The following CCDC7 variants were observed in gnomAD, a reference collection of about 807,000 sequenced individuals.
CCDC7 encodes the protein coiled-coil domain containing 7, also known as coiled-coil domain-containing protein 7.
A neutral mutation model predicts 196.9 loss-of-function variants in CCDC7; 183 were observed. The ratio of observed to expected loss-of-function variants is 0.93; its 90% CI spans 0.82 to 1.05. The LOEUF (loss-of-function observed/expected upper bound fraction) is 1.05, where lower values mean the gene tolerates loss of function less well. Among genes scored for constraint, CCDC7 ranks in the 50% least tolerant of loss-of-function variants. CCDC7 has a pLI of 0.00. For synonymous variants in CCDC7, 525 were observed against 484.6 expected, an observed-to-expected ratio of 1.08 and a Z score of -1.10; for missense variants, 1,540 against 1,482.2, an observed-to-expected ratio of 1.04 and a Z score of -0.64.
intron 29 of CCDC7, among the ~76,000 whole-genome samples, chr10:32,799,297 A>G (rs891861745): frequency 8.5e-5 from 13 of 152,120 alleles, no homozygotes; most frequent in African/African-American, 2.9e-4. Flanking sequence ...TGATTCACCT[A>G]TGGGGGCCTG....
At chr10:32,854,588 C>T (rs1210689301) in intron 41 of CCDC7, 99 bp downstream of exon 42, 14 of 735,080 alleles carry the variant, frequency 1.9e-5, no homozygotes, top group Non-Finnish European at 3.1e-5. Flanking sequence ...CTTCCTTCTT[C>T]AAACAACCAA....
chr10:32,593,706 A>G (rs895036228), intron 18 of CCDC7, among the ~76,000 whole-genome samples: 1 of 152,188 alleles, frequency 6.6e-6, no homozygotes, highest in African/African-American at 2.4e-5. Flanking sequence ...TCTTTAATCC[A>G]TCTTGAATTG....
At chr10:32,623,828 G>A (rs1457887817) in intron 18 of CCDC7, 1 of 468,560 alleles carries the variant, frequency 2.1e-6, no homozygotes, top group African/African-American at 2.0e-5. Flanking sequence ...GTGAGTGTGG[G>A]AATGAGAGAG....
At chr10:32,843,139 G>A (rs1014347083) in intron 33 of CCDC7, among the ~76,000 whole-genome samples, 17 of 150,816 alleles carry the variant, frequency 1.1e-4, no homozygotes, top group Admixed American at 2.6e-4. Flanking sequence ...AACACTGGAC[G>A]GTAACTCAAA....
At chr10:32,604,813 G>A (rs986097071) in intron 18 of CCDC7, among the ~76,000 whole-genome samples, 9 of 151,926 alleles carry the variant, frequency 5.9e-5, no homozygotes, top group East Asian at 1.9e-4. Context: ...GCAGTTTTAC[G>A]AGTTTTCTGG....
chr10:32,462,565 A>G lies in CCDC7; in HGVS notation c.457-118A>G, dbSNP rs2035960530. On this transcript the variant is annotated intron_variant, in intron 3 of 41. Transcript: ENST00000639629. ...TTCAACTACAGATTTATAAAGTTAT[A>G]TTTTAATACTTAGTACATTTTTGTG... The G allele has an allele frequency of 3.7e-6, 3 of 816,736 alleles. No individual in the cohort carries two copies. The Admixed American group carries it at 1.2e-4, about 32-fold the overall frequency. The allele number at this position is 816,736 out of a possible 1,614,324, so 50.6% of individuals were successfully genotyped here. A position where few individuals can be genotyped will look rare whatever the true frequency, so the allele number is the denominator to read the frequency against.
intron 11 of CCDC7, 52 bp downstream of exon 12, chr10:32,518,557 A>AGG: frequency 7.1e-7 from 1 of 1,407,718 alleles, no homozygotes; most frequent in Non-Finnish European, 9.6e-7. Context: ...AAGGCTTATT[A>AGG]TGTTAGGATA....
exon 17 of CCDC7, chr10:32,583,293 A>G: frequency 8.1e-7 from 1 of 1,231,000 alleles, no homozygotes; most frequent in Non-Finnish European, 1.0e-6. Context: ...TCCTGTTCTT[A>G]CAGAAAGTAA....
At position 32,814,466 on chromosome 10, in the gene CCDC7, A is replaced by G; in HGVS notation, c.3181+13A>G. On this transcript the variant is annotated intron_variant, in intron 31 of 41. Transcript: ENST00000639629. ...AAGAGTCTCCCTGGTAAGAACAAAA[A>G]CTTTACACATTTAGTATTTCTGGTT... is the stretch of plus-strand genomic sequence containing the variant. 6.4e-7 allele frequency: 1 copy of G among 1,560,708 alleles called. No homozygotes were observed. The highest frequency in any genetic ancestry group is 8.8e-7 in the Non-Finnish European group (1 of 1,133,482).
At chr10:32,603,976 G>C (rs1331374215) in intron 18 of CCDC7, among the ~76,000 whole-genome samples, 1 of 151,956 alleles carries the variant, frequency 6.6e-6, no homozygotes, top group Non-Finnish European at 1.5e-5. Flanking sequence ...GTCTATTTTT[G>C]TTGTTGTTGC....
At chr10:32,446,169 G>C (rs756431488) in exon 1 of CCDC7, 1 of 152,156 alleles carries the variant, frequency 6.6e-6, no homozygotes, top group Non-Finnish European at 1.5e-5. Flanking sequence ...GGCGGCGGGT[G>C]CCCGGCGGTC....
intron 11 of CCDC7, among the ~76,000 whole-genome samples, chr10:32,524,544 G>A (rs1317076999): frequency 6.6e-6 from 1 of 152,102 alleles, no homozygotes; most frequent in Non-Finnish European, 1.5e-5. Flanking sequence ...ATTTCCTTTA[G>A]CATCTCTTAT....
chr10:32,477,095 G>A (rs2039112548), intron 8 of CCDC7, among the ~76,000 whole-genome samples: 1 of 151,830 alleles, frequency 6.6e-6, no homozygotes, highest in Admixed American at 6.6e-5. Context: ...TGTGCTTTAG[G>A]TGTTGTGTGT....
At chr10:32,656,959 G>A (rs1360914934) in intron 20 of CCDC7, among the ~76,000 whole-genome samples, 1 of 152,186 alleles carries the variant, frequency 6.6e-6, no homozygotes, top group Admixed American at 6.5e-5. Context: ...CAACAAAGAG[G>A]CTACATGCCC....
chr10:32,453,661 AT>A (rs563214280), intron 2 of CCDC7, among the ~76,000 whole-genome samples: 149 of 152,328 alleles, frequency 9.8e-4, no homozygotes, highest in Non-Finnish European at 2.1e-4. Flanking sequence ...CTACATACCC[AT>A]TAGGAATGAC....
At chr10:32,658,977 G>A (rs1309821763) in intron 20 of CCDC7, among the ~76,000 whole-genome samples, 1 of 151,636 alleles carries the variant, frequency 6.6e-6, no homozygotes, top group Non-Finnish European at 1.5e-5. Context: ...TCCTTTCAAA[G>A]AATAAGCTCT....
intron 2 of CCDC7, among the ~76,000 whole-genome samples, chr10:32,453,719 G>T (rs1040025892): frequency 9.2e-5 from 14 of 152,088 alleles, no homozygotes; most frequent in Admixed American, 2.0e-4. Context: ...AAAGATATGG[G>T]GCCACAGGAA....
At chr10:32,449,210 T>C (rs2032301380), upstream of CCDC7, among the ~76,000 whole-genome samples, 1 of 151,990 alleles carries the variant, frequency 6.6e-6, no homozygotes, top group African/African-American at 2.4e-5. Flanking sequence ...TTATTTGAGA[T>C]GGAGTCTTAC....
intron 11 of CCDC7, among the ~76,000 whole-genome samples, chr10:32,530,183 A>G (rs752743382): frequency 3.3e-5 from 5 of 152,152 alleles, no homozygotes; most frequent in Non-Finnish European, 7.4e-5. Context: ...GCCTTATAGT[A>G]TAGTTGGAAG....
Sources: gnomAD v4.1 joint callset for allele counts (sites outside exome capture counted in the v4.1 genomes callset) on GRCh38, gnomAD v4.1.1 for gene constraint, MANE v1.5 for transcripts, NCBI Gene and HGNC (gene_info 2026-07-23, HGNC 2026-07-21) for gene names.